Variants in GINS1 observed in about 807,000 individuals in gnomAD.
GINS1 encodes the protein DNA replication complex GINS protein PSF1.
GINS1 carries 26 observed loss-of-function variants against 34.9 expected under a neutral mutation model. The observed-to-expected ratio is 0.74, with a 90% CI of 0.55 to 1.03. The LOEUF is 1.03. GINS1 is among the 50% of genes least tolerant of loss of function. The pLI is 0.00. For missense variants in GINS1, 235 were observed against 237.9 expected, an observed-to-expected ratio of 0.99 and a Z score of 0.08; for synonymous variants, 97 against 84.4, an observed-to-expected ratio of 1.15 and a Z score of -0.82.
Position 25,441,759 on chromosome 20 carries a change from T to C in GINS1, c.505T>C (p.Leu169=). The change falls in exon 6 of 7, where the codon TTA becomes CTA. Residue 169 remains leucine, a synonymous_variant. Coordinates refer to ENST00000262460, the MANE Select transcript of GINS1 (RefSeq NM_021067.5). ...FEVDDGTSVL[L]KKNSQHFLPR... ...AGTTGATGATGGCACTTCAGTCCTATTAAAAAAAAATAGCCAGGTATTTCT... is the reference window on the plus strand; with the variant it reads ...AGTTGATGATGGCACTTCAGTCCTACTAAAAAAAAATAGCCAGGTATTTCT... 1 of 1,545,056 alleles carries C rather than the reference T, an allele frequency of 6.5e-7. No individual in the cohort carries two copies.
chr20:25,411,071 A>G (rs950043182), intron 1 of GINS1: 5 of 152,150 alleles, frequency 3.3e-5, no homozygotes, highest in Non-Finnish European at 2.9e-5. Context: ...TGAGCCCAGG[A>G]GTTCGAGACT....
intron 4 of GINS1, among the ~76,000 whole-genome samples, chr20:25,421,724 T>G (rs926730618): frequency 6.6e-6 from 1 of 152,220 alleles, no homozygotes; most frequent in Non-Finnish European, 1.5e-5. Flanking sequence ...TATGTTCTTT[T>G]GTGGAAGTAA....
At chr20:25,412,681 G>A (rs1342348915) in intron 1 of GINS1, among the ~76,000 whole-genome samples, 5 of 152,042 alleles carry the variant, frequency 3.3e-5, no homozygotes, top group Admixed American at 6.5e-5. Context: ...CATACAACAT[G>A]TGTATTTTAA....
At chr20:25,432,396 G>A (rs867938245) in intron 5 of GINS1, among the ~76,000 whole-genome samples, 1 of 151,344 alleles carries the variant, frequency 6.6e-6, no homozygotes, top group African/African-American at 2.4e-5. Flanking sequence ...TCCGCCTCCC[G>A]AGTTCAAATG....
At position 25,447,140 on chromosome 20, in the gene GINS1, A is replaced by G. The variant is rs2090516996; in HGVS notation, c.*1149A>G. On this transcript the variant is annotated 3_prime_UTR_variant, in exon 7 of 7. Transcript: ENST00000262460. ...CTGCAATCTCTATCCCCTGGGTTCA[A>G]GTGATTCTCTTGTCTCAGCCTCCCA... 6.6e-6 allele frequency: 1 copy of G among 152,096 alleles called. No individual in the cohort carries two copies. The highest frequency in any genetic ancestry group is 1.5e-5 in the Non-Finnish European group (1 of 68,050). The allele number at this position is 152,096 out of a possible 1,614,324, so 9.4% of individuals were successfully genotyped here. A position where few individuals can be genotyped will look rare whatever the true frequency, so the allele number is the denominator to read the frequency against.
chr20:25,420,781 CAAA>C (rs10540213), intron 4 of GINS1: 41,690 of 606,666 alleles, frequency 0.069, 13 homozygotes, highest in Non-Finnish European at 0.075. Flanking sequence ...GACCCTGTCT[CAAA>C]AAAAAAAAAA....
intron 1 of GINS1, 60 bp downstream of exon 1, chr20:25,407,955 G>T: frequency 7.8e-7 from 1 of 1,283,910 alleles, no homozygotes; most frequent in Non-Finnish European, 1.1e-6. Flanking sequence ...CTCTGGGGCG[G>T]GGCGGCTCCC....
At chr20:25,416,813 AAC>A (rs1264588557) in intron 2 of GINS1, among the ~76,000 whole-genome samples, 1 of 152,250 alleles carries the variant, frequency 6.6e-6, no homozygotes, top group Non-Finnish European at 1.5e-5. Context: ...AAAAGTGAAT[AAC>A]ACAGTGTCTT....
intron 5 of GINS1, among the ~76,000 whole-genome samples, chr20:25,431,276 A>G (rs1450475296): frequency 4.6e-5 from 7 of 152,088 alleles, no homozygotes; most frequent in Admixed American, 4.6e-4. Flanking sequence ...TTTTGATTTT[A>G]GTAATTTGAG....
At chr20:25,428,696 A>ATG (rs2090407738) in intron 5 of GINS1, among the ~76,000 whole-genome samples, 5 of 151,094 alleles carry the variant, frequency 3.3e-5, no homozygotes, top group Admixed American at 2.6e-4. Flanking sequence ...GAGCCACCGC[A>ATG]CCCGGCCTCC....
At chr20:25,414,955 G>T (rs1169815594) in intron 2 of GINS1, among the ~76,000 whole-genome samples, 1 of 152,194 alleles carries the variant, frequency 6.6e-6, no homozygotes, top group African/African-American at 2.4e-5. Context: ...GAGCATGGTA[G>T]CTGGCACAGT....
At chr20:25,408,581 G>A (rs929059254) in intron 1 of GINS1, among the ~76,000 whole-genome samples, 1 of 152,060 alleles carries the variant, frequency 6.6e-6, no homozygotes, top group Non-Finnish European at 1.5e-5. Flanking sequence ...TTGAGGGCCC[G>A]GTACCATGGC....
intron 5 of GINS1, among the ~76,000 whole-genome samples, chr20:25,435,169 ATGT>A (rs1035991879): frequency 1.3e-5 from 2 of 152,064 alleles, no homozygotes; most frequent in African/African-American, 4.8e-5. Context: ...TTGGTTGGTG[ATGT>A]TGTTCTTTTA....
At position 25,414,362 on chromosome 20, in the gene GINS1, T is replaced by C. The variant is rs549261941; in HGVS notation, c.140+508T>C. Among the ~76,000 whole-genome samples, 72 of 152,220 alleles carry C rather than the reference T, an allele frequency of 4.7e-4. 1 individual carries two copies. Among genetic ancestry groups the C allele is most frequent in the Non-Finnish European group, 5.7e-4 (39 of 68,024 alleles). ...TAATAAATATCTGTTGTTTGGCTGATAAGAGTTGAAAGGAATTAGAGTGGA... is the reference window on the plus strand; with the variant it reads ...TAATAAATATCTGTTGTTTGGCTGACAAGAGTTGAAAGGAATTAGAGTGGA... On this transcript the variant is annotated intron_variant, in intron 2 of 6. Transcript: ENST00000262460.
At chr20:25,407,940 C>T (rs751646107) in intron 1 of GINS1, 45 bp downstream of exon 1, 7 of 1,424,478 alleles carry the variant, frequency 4.9e-6, no homozygotes, top group South Asian at 4.6e-5. Context: ...GCGTTGGGCC[C>T]TGGGCTCTGG....
intron 6 of GINS1, 135 bp from the exon 7 acceptor site, chr20:25,445,788 A>C: frequency 1.6e-6 from 1 of 621,566 alleles, no homozygotes. Context: ...CAGCCCCTTA[A>C]GTTTAACTTT....
intron 5 of GINS1, among the ~76,000 whole-genome samples, chr20:25,428,934 T>C (rs914351272): frequency 6.6e-6 from 1 of 151,334 alleles, no homozygotes; most frequent in Non-Finnish European, 1.5e-5. Flanking sequence ...AAGTTTAAAT[T>C]AGGGATTTTG....
intron 5 of GINS1, among the ~76,000 whole-genome samples, chr20:25,437,550 G>A (rs895157185): frequency 4.0e-5 from 6 of 148,414 alleles, no homozygotes; most frequent in African/African-American, 1.6e-4. Flanking sequence ...GACAGAGTCT[G>A]CCCGTGCAGT....
At position 25,418,173 on chromosome 20, in the gene GINS1, G is replaced by T; in HGVS notation, c.308G>T (p.Arg103Leu). The part of the protein sequence containing the change: ...EYGSVLPNAL[R>L]FHMAAEEMEW... ...GGTAGCGTCTTGCCAAATGCATTAC[G>T]ATTTCACATGGCTGCTGAAGAAGTG... Residue 103 changes from arginine to leucine, a missense_variant, in exon 4 of 7, where the codon CGA becomes CTA. Physicochemically the swap from Arg to Leu is moderately radical, Grantham distance 102. Coordinates refer to ENST00000262460, the MANE Select transcript of GINS1 (RefSeq NM_021067.5). The T allele has an allele frequency of 1.3e-6, 2 of 1,585,376 alleles. No individual in the cohort carries two copies. The highest frequency in any genetic ancestry group is 8.7e-7 in the Non-Finnish European group (1 of 1,153,492).
Sources: allele counts gnomAD v4.1 joint callset (sites outside exome capture counted in the v4.1 genomes callset), GRCh38; gene constraint gnomAD v4.1.1; transcripts MANE v1.5; gene names NCBI Gene and HGNC (gene_info 2026-07-23, HGNC 2026-07-21).